Variants in PTPRD observed in about 807,000 individuals in gnomAD.
The protein encoded by PTPRD is receptor-type tyrosine-protein phosphatase delta.
In PTPRD, 34 loss-of-function variants were observed where a neutral mutation model predicts 214.5. The ratio of observed to expected loss-of-function variants is 0.16; its 90% CI spans 0.12 to 0.21. The LOEUF (loss-of-function observed/expected upper bound fraction) is 0.21, where lower values mean the gene tolerates loss of function less well. PTPRD is among the 10% of genes least tolerant of loss of function. PTPRD has a pLI of 1.00. For synonymous variants in PTPRD, 1,128 were observed against 845.7 expected (o/e 1.33, Z -5.79); for missense variants, 2,545 against 2,398.7 (o/e 1.06, Z -1.27).
chr9:9,857,517 G>C (rs946673911), intron 5 of PTPRD, among the ~76,000 whole-genome samples: 1 of 151,974 alleles, frequency 6.6e-6, no homozygotes, highest in Admixed American at 6.6e-5. Flanking sequence ...CTCTGCACAC[G>C]GTGCATTTCT....
intron 3 of PTPRD, among the ~76,000 whole-genome samples, chr9:10,136,685 A>C (rs1274723623): frequency 1.1e-4 from 10 of 94,694 alleles, no homozygotes; most frequent in Middle Eastern, 4.9e-3. Context: ...GCAACAAAAG[A>C]CAAAATTGAC....
At chr9:9,657,885 A>T (rs566580243) in intron 7 of PTPRD, among the ~76,000 whole-genome samples, 2 of 152,212 alleles carry the variant, frequency 1.3e-5, no homozygotes, top group Admixed American at 1.3e-4. Flanking sequence ...AATATAAAAC[A>T]GTGAGATTTT....
intron 5 of PTPRD, among the ~76,000 whole-genome samples, chr9:9,909,716 T>C (rs865818332): frequency 6.6e-6 from 1 of 151,930 alleles, no homozygotes; most frequent in Admixed American, 6.6e-5. Context: ...ATTAAGAAAT[T>C]GACTAAGTTG....
chr9:10,510,593 T>C (rs1390089728), intron 2 of PTPRD, among the ~76,000 whole-genome samples: 3 of 152,178 alleles, frequency 2.0e-5, no homozygotes, highest in African/African-American at 7.2e-5. Flanking sequence ...GAATACATAT[T>C]TGTACACATT....
intron 3 of PTPRD, among the ~76,000 whole-genome samples, chr9:10,073,530 G>A (rs1337193103): frequency 6.6e-6 from 1 of 152,082 alleles, no homozygotes; most frequent in Non-Finnish European, 1.5e-5. Flanking sequence ...CAGTAAGCAT[G>A]CACTTTAGTT....
chr9:9,627,025 G>T (rs10977886), intron 7 of PTPRD, among the ~76,000 whole-genome samples: 24,754 of 152,180 alleles, frequency 0.16, 2,875 homozygotes, highest in African/African-American at 0.32. Context: ...TTAAATTCTC[G>T]TTTGCAGGCT....
intron 5 of PTPRD, among the ~76,000 whole-genome samples, chr9:9,935,224 G>C (rs898217126): frequency 2.0e-5 from 3 of 151,918 alleles, no homozygotes; most frequent in Non-Finnish European, 2.9e-5. Context: ...GTTCTGGCCA[G>C]GGCAATCAGG....
intron 11 of PTPRD, among the ~76,000 whole-genome samples, chr9:8,829,492 T>A (rs951609022): frequency 2.1e-5 from 3 of 144,660 alleles, no homozygotes; most frequent in African/African-American, 8.0e-5. Context: ...TAGCTCTGCA[T>A]TGTGCATTTA....
intron 8 of PTPRD, among the ~76,000 whole-genome samples, chr9:9,565,220 C>T (rs1197076873): frequency 1.3e-5 from 2 of 151,750 alleles, no homozygotes; most frequent in African/African-American, 2.4e-5. Flanking sequence ...CTTTTTGCAA[C>T]TCTAAACAAA....
chr9:9,849,873 G>C (rs1177862541), intron 5 of PTPRD, among the ~76,000 whole-genome samples: 2 of 152,060 alleles, frequency 1.3e-5, no homozygotes, highest in African/African-American at 4.8e-5. Context: ...GTACACTTTA[G>C]GGATTAACAT....
intron 14 of PTPRD, among the ~76,000 whole-genome samples, chr9:8,550,027 A>T (rs888351232): frequency 1.3e-5 from 2 of 152,196 alleles, no homozygotes; most frequent in African/African-American, 4.8e-5. Flanking sequence ...AACTGAACCA[A>T]GCTCAAAGCA....
chr9:10,525,659 C>G (rs1215004082), intron 2 of PTPRD, among the ~76,000 whole-genome samples: 1 of 151,688 alleles, frequency 6.6e-6, no homozygotes. Flanking sequence ...AAATATTCTC[C>G]ACACATATCC....
intron 36 of PTPRD, among the ~76,000 whole-genome samples, chr9:8,398,249 C>A (rs2091654151): frequency 6.6e-6 from 1 of 152,060 alleles, no homozygotes; most frequent in Non-Finnish European, 1.5e-5. Context: ...TTTATTTAAT[C>A]CTCCTAGTAA....
At chr9:10,592,239 G>A (rs539486877) in intron 2 of PTPRD, among the ~76,000 whole-genome samples, 2 of 152,126 alleles carry the variant, frequency 1.3e-5, no homozygotes, top group Admixed American at 1.3e-4. Context: ...TGTGAGCTAA[G>A]TGGGGAGATG....
At chr9:9,948,368 C>T (rs1393023995) in intron 4 of PTPRD, among the ~76,000 whole-genome samples, 1 of 152,082 alleles carries the variant, frequency 6.6e-6, no homozygotes, top group Non-Finnish European at 1.5e-5. Flanking sequence ...ATTGCTGCCA[C>T]TCTTCTCCCA....
chr9:9,928,198 G>C (rs1470270072), intron 5 of PTPRD, among the ~76,000 whole-genome samples: 1 of 152,092 alleles, frequency 6.6e-6, no homozygotes, highest in Non-Finnish European at 1.5e-5. Flanking sequence ...GTTAGCTGCA[G>C]CTTAAATTTC....
intron 9 of PTPRD, among the ~76,000 whole-genome samples, chr9:9,301,731 T>C (rs1955390015): frequency 6.6e-6 from 1 of 151,900 alleles, no homozygotes; most frequent in African/African-American, 2.4e-5. Flanking sequence ...TAAAATTGTA[T>C]TGATTGCACT....
intron 34 of PTPRD, among the ~76,000 whole-genome samples, chr9:8,445,603 G>A (rs751102579): frequency 6.6e-6 from 1 of 152,020 alleles, no homozygotes; most frequent in Non-Finnish European, 1.5e-5. Context: ...TAATAGATTG[G>A]TCCTAACACT....
chr9:10,160,465 C>A (rs1476478649), intron 3 of PTPRD, among the ~76,000 whole-genome samples: 1 of 151,666 alleles, frequency 6.6e-6, no homozygotes, highest in Non-Finnish European at 1.5e-5. Context: ...ATAGCAGAAC[C>A]AAGAACAAAA....
Sources: allele counts gnomAD v4.1 joint callset (sites outside exome capture counted in the v4.1 genomes callset), GRCh38; gene constraint gnomAD v4.1.1; transcripts MANE v1.5; gene names NCBI Gene and HGNC (gene_info 2026-07-23, HGNC 2026-07-21).